The following PDSS2 variants were observed in gnomAD, a reference collection of about 807,000 sequenced individuals.
The protein encoded by PDSS2 is decaprenyl diphosphate synthase subunit 2, also known as all trans-polyprenyl-diphosphate synthase PDSS2.
In PDSS2, 31 loss-of-function variants were observed where a neutral mutation model predicts 44.5. The observed-to-expected ratio is 0.70, with a 90% CI of 0.52 to 0.94. PDSS2 has a LOEUF of 0.94. Ranked by LOEUF, PDSS2 falls within the 40% of genes least tolerant of loss-of-function variation. The pLI, the probability that PDSS2 is intolerant of heterozygous loss-of-function variation, is 0.00. For synonymous variants in PDSS2, 157 were observed against 180.3 expected (o/e 0.87, Z 1.03); for missense variants, 452 against 482.2 (o/e 0.94, Z 0.59).
chr6:107,355,462 T>G (rs1236833289), intron 1 of PDSS2, among the ~76,000 whole-genome samples: 3 of 152,212 alleles, frequency 2.0e-5, no homozygotes, highest in Non-Finnish European at 2.9e-5. Context: ...TGCTACATTA[T>G]GTATCTTAGA....
chr6:107,307,375 T>C (rs899560006), intron 2 of PDSS2, among the ~76,000 whole-genome samples: 1 of 152,198 alleles, frequency 6.6e-6, no homozygotes, highest in Admixed American at 6.5e-5. Context: ...CACAAAGGGA[T>C]AGAACTACGC....
chr6:107,197,256 T>C (rs1445184192), intron 6 of PDSS2, among the ~76,000 whole-genome samples: 2 of 45,410 alleles, frequency 4.4e-5, no homozygotes, highest in East Asian at 1.4e-3. Context: ...AAGGTGGGGG[T>C]GGGGTAAGGG....
rs1782177167 is a variant in PDSS2, at chr6:107,459,484, T to C, written c.-199A>G. ...GCAGCCCAGGCTGGGCAAACAACAGTCCCAGCTCAGCACTGCCCCCGGCCA... is the reference window on the plus strand; with the variant it reads ...GCAGCCCAGGCTGGGCAAACAACAGCCCCAGCTCAGCACTGCCCCCGGCCA... On this transcript the variant is annotated 5_prime_UTR_variant, in exon 1 of 8. Coordinates refer to ENST00000369037, the MANE Select transcript of PDSS2 (RefSeq NM_020381.4). The surrounding 1 kb of genome is among the most constrained non-coding windows in gnomAD (Gnocchi z 4.3). 2 of 600,016 alleles carry C rather than the reference T, an allele frequency of 3.3e-6. No individual in the cohort carries two copies. The highest frequency in any genetic ancestry group is 5.9e-5 in the Admixed American group (2 of 34,164). 37.2% of individuals were successfully genotyped at this position (600,016 alleles called of 1,614,324 possible).
At chr6:107,195,757 G>A (rs555548994) in intron 6 of PDSS2, among the ~76,000 whole-genome samples, 5 of 152,058 alleles carry the variant, frequency 3.3e-5, no homozygotes, top group African/African-American at 4.8e-5. Context: ...ACAAGGTATC[G>A]CCATGTTGGC....
chr6:107,410,990 T>C (rs766467539), intron 1 of PDSS2, among the ~76,000 whole-genome samples: 3 of 151,804 alleles, frequency 2.0e-5, no homozygotes, highest in Non-Finnish European at 4.4e-5. Flanking sequence ...GTTTAAGAAA[T>C]TCTCCTGCCT....
intron 2 of PDSS2, among the ~76,000 whole-genome samples, chr6:107,292,002 G>T (rs992782567): frequency 1.3e-5 from 2 of 152,016 alleles, no homozygotes; most frequent in East Asian, 3.9e-4. Flanking sequence ...AATTGCTGAG[G>T]GTACTGAGAG....
At chr6:107,213,575 A>G (rs1307455137) in intron 4 of PDSS2, among the ~76,000 whole-genome samples, 1 of 150,022 alleles carries the variant, frequency 6.7e-6, no homozygotes, top group Non-Finnish European at 1.5e-5. Flanking sequence ...CCTAGCTAAC[A>G]TGGTGAAACC....
At chr6:107,449,074 T>C (rs907901848) in intron 1 of PDSS2, among the ~76,000 whole-genome samples, 1 of 152,170 alleles carries the variant, frequency 6.6e-6, no homozygotes, top group Non-Finnish European at 1.5e-5. Flanking sequence ...CTTTATCCCA[T>C]GTATAGATTC....
intron 7 of PDSS2, among the ~76,000 whole-genome samples, chr6:107,179,551 C>T (rs929138068): frequency 3.3e-5 from 5 of 152,108 alleles, no homozygotes; most frequent in African/African-American, 4.8e-5. Flanking sequence ...CAGGAGTGAG[C>T]CACAGCATCC....
chr6:107,452,314 C>T (rs958638926), intron 1 of PDSS2, among the ~76,000 whole-genome samples: 4 of 151,742 alleles, frequency 2.6e-5, no homozygotes, highest in African/African-American at 9.7e-5. Flanking sequence ...CTCACTGCAA[C>T]CTCTGCCTCC....
rs184910469 is a variant in PDSS2 at position 107,168,573 on chromosome 6, G to A, written c.1042-13796C>T. ...CTGGATGCAGTTTCTTCCTAGCCTC[G>A]ATGGTCTTTACAATTTGACATGTTT... On this transcript the variant is annotated intron_variant, in intron 7 of 7. Coordinates refer to ENST00000369037, the MANE Select transcript of PDSS2 (RefSeq NM_020381.4). Among the ~76,000 whole-genome samples the A allele has an allele frequency of 6.1e-3, 924 of 151,620 alleles. 8 individuals carry two copies. Among genetic ancestry groups the A allele is most frequent in the African/African-American group, 0.02 (839 of 41,224 alleles).
At position 107,165,118 on chromosome 6, in the gene PDSS2, C is replaced by T. The variant is rs150637111; in HGVS notation, c.1042-10341G>A. 7.3e-3 allele frequency among the ~76,000 whole-genome samples: 1,106 copies of T among 152,124 alleles called. 12 individuals are homozygous for T. Among genetic ancestry groups the T allele is most frequent in the African/African-American group, 0.025 (1,027 of 41,498 alleles). On this transcript the variant is annotated intron_variant, in intron 7 of 7. Coordinates refer to ENST00000369037, the MANE Select transcript of PDSS2 (RefSeq NM_020381.4). ...ATTTTCTCCCATTCTGTCGGTTGCC[C>T]GTTCACTCTGATGGTAGTTTCTTTT...
chr6:107,303,727 T>A (rs535833365), intron 2 of PDSS2, among the ~76,000 whole-genome samples: 1 of 152,300 alleles, frequency 6.6e-6, no homozygotes, highest in East Asian at 1.9e-4. Flanking sequence ...CTAAAAACTA[T>A]TTAGGTCATG....
chr6:107,334,520 C>T (rs551128065), intron 1 of PDSS2, among the ~76,000 whole-genome samples, 188 bp from the exon 2 acceptor site: 13 of 98,952 alleles, frequency 1.3e-4, no homozygotes, highest in East Asian at 8.6e-4. Context: ...GAGAAATCTA[C>T]GGCTGCGTTG....
chr6:107,452,698 A>C (rs1409251974), intron 1 of PDSS2, among the ~76,000 whole-genome samples: 1 of 149,034 alleles, frequency 6.7e-6, no homozygotes, highest in African/African-American at 2.5e-5. Context: ...ACAGAGTCTC[A>C]CTCTGTCTCC....
intron 3 of PDSS2, among the ~76,000 whole-genome samples, chr6:107,259,846 T>C (rs921068644): frequency 6.6e-6 from 1 of 152,110 alleles, no homozygotes; most frequent in African/African-American, 2.4e-5. Context: ...ATTATGAAAA[T>C]ATAAGTGATC....
chr6:107,302,088 A>G (rs1203260070), intron 2 of PDSS2, among the ~76,000 whole-genome samples: 1 of 152,166 alleles, frequency 6.6e-6, no homozygotes, highest in Non-Finnish European at 1.5e-5. Context: ...AAAATGGGTG[A>G]TATGTAAATG....
At chr6:107,299,156 A>AG (rs1776612036) in intron 2 of PDSS2, among the ~76,000 whole-genome samples, 1 of 150,040 alleles carries the variant, frequency 6.7e-6, no homozygotes, top group African/African-American at 2.4e-5. Context: ...CAAAAAAAAA[A>AG]AAAAAAAAAA....
intron 1 of PDSS2, among the ~76,000 whole-genome samples, chr6:107,372,426 C>T (rs191720816): frequency 1.3e-5 from 2 of 152,116 alleles, no homozygotes. Context: ...GGGGTTAAAG[C>T]ATGTTTCATC....
Sources: allele counts gnomAD v4.1 joint callset (sites outside exome capture counted in the v4.1 genomes callset), GRCh38; gene constraint gnomAD v4.1.1; non-coding constraint Gnocchi (gnomAD v3.1); transcripts MANE v1.5; gene names NCBI Gene and HGNC (gene_info 2026-07-23, HGNC 2026-07-21).